The following TSC22D1 variants were observed in gnomAD, a reference collection of about 807,000 sequenced individuals.
The protein encoded by TSC22D1 is TSC22 domain family protein 1.
Under a neutral mutation model 74.2 loss-of-function variants are expected in TSC22D1, and 9 were observed. The ratio of observed to expected loss-of-function variants is 0.12; its 90% CI spans 0.07 to 0.21. TSC22D1 has a LOEUF of 0.21. Ranked by LOEUF, TSC22D1 falls within the 10% of genes least tolerant of loss-of-function variation. The probability of loss-of-function intolerance (pLI) is 1.00; values close to 1 mark genes in which losing one functional copy is unlikely to be tolerated. For synonymous variants in TSC22D1, 586 were observed against 492.5 expected (o/e 1.19, Z -2.51); for missense variants, 1,427 against 1,304.7 (o/e 1.09, Z -1.44).
intron 1 of TSC22D1, among the ~76,000 whole-genome samples, chr13:44,531,387 G>C (rs999199694): frequency 2.6e-5 from 4 of 152,186 alleles, no homozygotes; most frequent in Non-Finnish European, 5.9e-5. Context: ...TAGATCAACA[G>C]ATCTGCCTTG....
intron 1 of TSC22D1, among the ~76,000 whole-genome samples, chr13:44,442,116 C>T (rs926073722): frequency 6.6e-6 from 1 of 152,206 alleles, no homozygotes; most frequent in African/African-American, 2.4e-5. Flanking sequence ...AAAAATGAGT[C>T]CTAGACTGAA....
intron 1 of TSC22D1, among the ~76,000 whole-genome samples, chr13:44,504,739 T>G (rs1595123170): frequency 6.6e-6 from 1 of 152,204 alleles, no homozygotes; most frequent in East Asian, 1.9e-4. Context: ...TACTTAAAGT[T>G]GAAACATCGG....
chr13:44,436,428 CCTGG>C (rs1251238940), intron 1 of TSC22D1: 24 of 1,525,280 alleles, frequency 1.6e-5, no homozygotes, highest in Admixed American at 1.1e-4. Flanking sequence ...AAGGAATTCG[CCTGG>C]CTATCTTTCA....
rs1279764562 is a variant in TSC22D1 at position 44,574,872 on chromosome 13, T to C, written c.1203A>G (p.Thr401=). ...GSVSSQQQQP[T]VNTSRFRVVK... is the part of the protein sequence containing the mutation. ...CAACTCTGAACCTCGAAGTGTTAAC[T>C]GTTGGTTGTTGCTGCTGACTTGAAA... Residue 401 remains threonine (T), a synonymous_variant, in exon 1 of 3, where the codon ACA becomes ACG. Transcript: ENST00000458659. The C allele has an allele frequency of 6.2e-7, 1 of 1,614,186 alleles. No homozygotes were observed. The highest frequency in any genetic ancestry group is 1.7e-5 in the Admixed American group (1 of 60,026).
intron 1 of TSC22D1, chr13:44,436,421 G>A (rs1874633828): frequency 6.7e-7 from 1 of 1,499,214 alleles, no homozygotes; most frequent in Non-Finnish European, 9.1e-7. Context: ...ATGGACAAAG[G>A]AATTCGCCTG....
At chr13:44,522,305 A>G (rs933031957) in intron 1 of TSC22D1, among the ~76,000 whole-genome samples, 1 of 152,204 alleles carries the variant, frequency 6.6e-6, no homozygotes, top group African/African-American at 2.4e-5. Flanking sequence ...TTAGGGTCTC[A>G]CAGGCCATGA....
At position 44,486,103 on chromosome 13, in the gene TSC22D1, A is replaced by G. The variant is rs540034086; in HGVS notation, c.2913-50008T>C. Among the ~76,000 whole-genome samples, 8 of 152,230 alleles carry G rather than the reference A, an allele frequency of 5.3e-5. No homozygotes were observed. The East Asian group carries it at 1.5e-3, about 29-fold the overall frequency. ...ATAAGGCAAGAATGGAGGGCAAAGC[A>G]TAGAAAAAGCAGGACAAACAGAAGA... On this transcript the variant is annotated intron_variant, in intron 1 of 2. Coordinates refer to ENST00000458659, the MANE Select transcript of TSC22D1 (RefSeq NM_183422.4).
At position 44,434,125 on chromosome 13, in the gene TSC22D1, T is replaced by C; in HGVS notation, c.*501A>G. On this transcript the variant is annotated 3_prime_UTR_variant, in exon 3 of 3. Transcript: ENST00000458659. ...TGTTTTTTATGAATTTTGGTGACAG[T>C]TGTCAAATTTGTACAGTGAACTCTG... The C allele has an allele frequency of 2.7e-6, 4 of 1,500,392 alleles. No individual in the cohort carries two copies. Among genetic ancestry groups the C allele is most frequent in the South Asian group, 2.6e-5 (2 of 77,352 alleles). The allele number at this position is 1,500,392 out of a possible 1,614,324, so 92.9% of individuals were successfully genotyped here.
Position 44,576,126 on chromosome 13 carries a change from C to T in TSC22D1, c.-52G>A. On this transcript the variant is annotated 5_prime_UTR_variant, in exon 1 of 3. Coordinates refer to ENST00000458659, the MANE Select transcript of TSC22D1 (RefSeq NM_183422.4). Reference sequence around the variant, plus strand: ...AGACGAGTGCAATTTCCTTCTGCACCGTAATCTTTGTATTGGAGACGCCGG... The same window carrying T: ...AGACGAGTGCAATTTCCTTCTGCACTGTAATCTTTGTATTGGAGACGCCGG... The T allele has an allele frequency of 1.4e-6, 2 of 1,437,492 alleles. No homozygotes were observed. The highest frequency in any genetic ancestry group is 9.1e-7 in the Non-Finnish European group (1 of 1,100,482). 89.0% of individuals were successfully genotyped at this position (1,437,492 alleles called of 1,614,324 possible).
At chr13:44,570,649 C>T (rs928864221) in intron 1 of TSC22D1, among the ~76,000 whole-genome samples, 1 of 152,090 alleles carries the variant, frequency 6.6e-6, no homozygotes. Context: ...AGTATTATTT[C>T]AAAAGATGAT....
intron 2 of TSC22D1, 110 bp from the exon 3 acceptor site, chr13:44,434,993 C>T: frequency 3.1e-6 from 3 of 963,398 alleles, no homozygotes; most frequent in South Asian, 3.2e-5. Context: ...ACATATTCCA[C>T]CTTTAAAGTT....
rs542052099 is a variant in TSC22D1, at chr13:44,493,556, G to T, written c.2913-57461C>A. Among the ~76,000 whole-genome samples the T allele has an allele frequency of 2.6e-5, 4 of 152,290 alleles. No homozygotes were observed. In the East Asian group the frequency reaches 7.7e-4, roughly 29 times the overall value. Reference sequence around the variant, plus strand: ...AAGAAAGATTCTTTGGAGATTTAGTGCATTGAAAAGCTGCCATGTGTTACT... The same window carrying T: ...AAGAAAGATTCTTTGGAGATTTAGTTCATTGAAAAGCTGCCATGTGTTACT... On this transcript the variant is annotated intron_variant, in intron 1 of 2. Coordinates refer to ENST00000458659, the MANE Select transcript of TSC22D1 (RefSeq NM_183422.4).
chr13:44,517,117 T>G (rs1459819708), intron 1 of TSC22D1, among the ~76,000 whole-genome samples: 1 of 152,208 alleles, frequency 6.6e-6, no homozygotes, highest in East Asian at 1.9e-4. Context: ...CATGTATACC[T>G]GTATATAAAA....
chr13:44,442,398 T>C (rs1052306072), intron 1 of TSC22D1, among the ~76,000 whole-genome samples: 1 of 152,194 alleles, frequency 6.6e-6, no homozygotes, highest in Admixed American at 6.5e-5. Flanking sequence ...GTTATAACTA[T>C]ATTTCATATG....
At chr13:44,506,134 A>ATGCC (rs1316406876) in intron 1 of TSC22D1, among the ~76,000 whole-genome samples, 1 of 152,232 alleles carries the variant, frequency 6.6e-6, no homozygotes, top group Non-Finnish European at 1.5e-5. Flanking sequence ...ATAACGAAGT[A>ATGCC]ATAATGATGG....
intron 1 of TSC22D1, among the ~76,000 whole-genome samples, chr13:44,437,985 T>A (rs1274224544): frequency 2.0e-5 from 3 of 152,228 alleles, no homozygotes; most frequent in Non-Finnish European, 4.4e-5. Context: ...TCGAGAGATG[T>A]GGGTATAAAA....
chr13:44,574,990 T>C lies in TSC22D1; in HGVS notation c.1085A>G (p.Asn362Ser), dbSNP rs1420164450. 2.5e-6 allele frequency: 4 copies of C among 1,614,060 alleles called. No homozygotes were observed. The South Asian group carries it at 3.3e-5, about 13-fold the overall frequency. ...ACCATTGCCCATGCCACTCAAGATA[T>C]TCACATTAACACCACTGGTAACTCC... ...GPGVTSGVNV[N>S]ILSGMGNGTI... The change falls in exon 1 of 3, where the codon AAT becomes AGT. Residue 362 changes from asparagine (N) to serine (S), a missense_variant. Coordinates refer to ENST00000458659, the MANE Select transcript of TSC22D1 (RefSeq NM_183422.4).
rs1874262300 is a variant in TSC22D1, at chr13:44,433,806, C to G, written c.*820G>C. On this transcript the variant is annotated 3_prime_UTR_variant, in exon 3 of 3. Transcript: ENST00000458659. ...ACAAAGTGAGTAACTGTGCCAAATT[C>G]TTAAAATTTCTTTAGGTGTGGTTTT... 3 of 571,862 alleles carry G rather than the reference C, an allele frequency of 5.2e-6. No homozygotes were observed. The highest frequency in any genetic ancestry group is 8.6e-6 in the Non-Finnish European group (3 of 347,576). 35.4% of individuals were successfully genotyped at this position (571,862 alleles called of 1,614,324 possible). A position where few individuals can be genotyped will look rare whatever the true frequency, so the allele number is the denominator to read the frequency against.
chr13:44,457,309 C>T (rs951015430), intron 1 of TSC22D1, among the ~76,000 whole-genome samples: 8 of 152,140 alleles, frequency 5.3e-5, no homozygotes, highest in African/African-American at 1.9e-4. Flanking sequence ...GATAACTTTT[C>T]TATATAAAAA....
Sources: allele counts gnomAD v4.1 joint callset (sites outside exome capture counted in the v4.1 genomes callset), GRCh38; gene constraint gnomAD v4.1.1; transcripts MANE v1.5; gene names NCBI Gene and HGNC (gene_info 2026-07-23, HGNC 2026-07-21).